The following ZNF33A variants were observed in gnomAD, a reference collection of about 807,000 sequenced individuals.
ZNF33A encodes brain my041 protein.
A neutral mutation model predicts 15.9 loss-of-function variants in ZNF33A; 9 were observed. The observed-to-expected ratio is 0.57, with a 90% CI of 0.34 to 0.99. ZNF33A has a LOEUF of 0.99. Ranked by LOEUF, ZNF33A falls within the 50% of genes least tolerant of loss-of-function variation. The pLI is 0.02. For synonymous variants in ZNF33A, 294 were observed against 324.2 expected, an observed-to-expected ratio of 0.91 and a Z score of 1.00; for missense variants, 843 against 941.6, an observed-to-expected ratio of 0.90 and a Z score of 1.37.
intron 2 of ZNF33A, among the ~76,000 whole-genome samples, chr10:38,015,394 C>A (rs1191618212): frequency 1.3e-5 from 2 of 152,072 alleles, no homozygotes; most frequent in Admixed American, 1.3e-4. Context: ...CAACGTCTGC[C>A]TCCCAGGTTA....
chr10:38,011,122 G>A (rs997547872), intron 1 of ZNF33A, among the ~76,000 whole-genome samples: 1 of 152,220 alleles, frequency 6.6e-6, no homozygotes, highest in Non-Finnish European at 1.5e-5. Flanking sequence ...GTACGTGGGC[G>A]GGGAAAGGCG....
At chr10:38,054,277 A>T (rs2066345060) in intron 4 of ZNF33A, 98 bp from the exon 5 acceptor site, 1 of 1,310,918 alleles carries the variant, frequency 7.6e-7, no homozygotes, top group South Asian at 1.9e-5. Context: ...CTGGCCAAAA[A>T]ACCAGTCAGC....
chr10:38,043,486 TTAAA>T (rs1474529054), intron 4 of ZNF33A, among the ~76,000 whole-genome samples: 3 of 145,070 alleles, frequency 2.1e-5, no homozygotes, highest in Non-Finnish European at 4.5e-5. Flanking sequence ...ACCCTAAAAC[TTAAA>T]GTATAATAAT....
chr10:38,065,937 C>T (rs1411350276), downstream of ZNF33A, among the ~76,000 whole-genome samples: 1 of 152,162 alleles, frequency 6.6e-6, no homozygotes, highest in Non-Finnish European at 1.5e-5. Context: ...TCTCGAACTC[C>T]TGCCTCGGCC....
chr10:38,063,384 A>ACAAAGACAAC (rs1253182002), downstream of ZNF33A, among the ~76,000 whole-genome samples: 38 of 152,340 alleles, frequency 2.5e-4, no homozygotes, highest in South Asian at 6.2e-4. Flanking sequence ...GAGGAGACAG[A>ACAAAGACAAC]CAAAGACAAC....
intron 4 of ZNF33A, among the ~76,000 whole-genome samples, chr10:38,029,247 C>G (rs2065113626): frequency 6.6e-6 from 1 of 152,070 alleles, no homozygotes; most frequent in South Asian, 2.1e-4. Context: ...TTAGTAGTAA[C>G]AAACTCTTCA....
At chr10:38,042,507 T>C (rs1041993152) in intron 4 of ZNF33A, among the ~76,000 whole-genome samples, 7 of 151,342 alleles carry the variant, frequency 4.6e-5, no homozygotes, top group Non-Finnish European at 8.8e-5. Context: ...TTTATTCTTT[T>C]TTTTTTTTTT....
At chr10:38,026,807 T>C (rs548069794) in intron 4 of ZNF33A, among the ~76,000 whole-genome samples, 36 of 152,306 alleles carry the variant, frequency 2.4e-4, no homozygotes, top group Non-Finnish European at 4.0e-4. Flanking sequence ...TTTTGGTCAT[T>C]TGTCATCATT....
chr10:38,045,165 A>C (rs539639944), intron 4 of ZNF33A, among the ~76,000 whole-genome samples: 1 of 152,264 alleles, frequency 6.6e-6, no homozygotes, highest in South Asian at 2.1e-4. Flanking sequence ...TGGTTCCTCT[A>C]TTCTCTCTAG....
chr10:38,018,494 GC>G (rs1353720982), intron 4 of ZNF33A, among the ~76,000 whole-genome samples: 1 of 152,180 alleles, frequency 6.6e-6, no homozygotes, highest in African/African-American at 2.4e-5. Flanking sequence ...CCCATCATAA[GC>G]CTTATTCAGT....
At chr10:38,052,847 GT>G (rs1449733230) in intron 4 of ZNF33A, among the ~76,000 whole-genome samples, 2 of 151,794 alleles carry the variant, frequency 1.3e-5, no homozygotes, top group Non-Finnish European at 2.9e-5. Flanking sequence ...TTTTTCCCAG[GT>G]TCATGATGGT....
In ZNF33A at chr10:38,056,662, A is replaced by G. The variant is rs932922501; in HGVS notation, c.*102A>G. ...AGCTTTTGTTAGGAAGTGATATTCT[A>G]TGTAATATCAGATGGTTAATACGGG... On this transcript the variant is annotated 3_prime_UTR_variant, in exon 5 of 5. Transcript: ENST00000432900. The G allele has an allele frequency of 3.2e-5, 46 of 1,435,232 alleles. No homozygotes were observed. The highest frequency in any genetic ancestry group is 4.1e-5 in the Non-Finnish European group (45 of 1,100,044). The allele number at this position is 1,435,232 out of a possible 1,614,324, so 88.9% of individuals were successfully genotyped here.
intron 4 of ZNF33A, among the ~76,000 whole-genome samples, chr10:38,050,684 C>A (rs1366165781): frequency 1.3e-5 from 2 of 152,198 alleles, no homozygotes; most frequent in Non-Finnish European, 2.9e-5. Context: ...AGCAAACTCA[C>A]AAACAGTTGC....
intron 4 of ZNF33A, among the ~76,000 whole-genome samples, chr10:38,019,860 T>A (rs781676667): frequency 6.6e-6 from 1 of 152,212 alleles, no homozygotes; most frequent in Non-Finnish European, 1.5e-5. Flanking sequence ...TTTTTGATGG[T>A]TGGAGCAAAA....
intron 2 of ZNF33A, among the ~76,000 whole-genome samples, chr10:38,012,739 AAT>A (rs1470734404): frequency 1.3e-5 from 2 of 152,118 alleles, no homozygotes; most frequent in African/African-American, 4.8e-5. Flanking sequence ...GCCAAGAGTC[AAT>A]ATGTTAAGAT....
At position 38,057,061 on chromosome 10, in the gene ZNF33A, C is replaced by G. The variant is rs1266949275; in HGVS notation, c.*501C>G. 1 of 664,084 alleles carries G rather than the reference C, an allele frequency of 1.5e-6. No individual in the cohort carries two copies. The highest frequency in any genetic ancestry group is 2.0e-5 in the African/African-American group (1 of 51,162). The allele number at this position is 664,084 out of a possible 1,614,324, so 41.1% of individuals were successfully genotyped here. On this transcript the variant is annotated 3_prime_UTR_variant, in exon 5 of 5. Transcript: ENST00000432900. The stretch of plus-strand genomic sequence containing the variant: ...GTCAAGTCCAAGAAATCGATGTTAC[C>G]TTGCTGGTAGATAGAGACTTAGTCA...
At position 38,057,804 on chromosome 10, in the gene ZNF33A, C is replaced by T. The variant is rs545826222; in HGVS notation, c.*1244C>T. On this transcript the variant is annotated 3_prime_UTR_variant, in exon 5 of 5. Coordinates refer to ENST00000432900, the MANE Select transcript of ZNF33A (RefSeq NM_006954.2). ...TCCAAATTTTCTTTAAGCAGCTGCTCTCCAAGACAGGGCCCTGGAAAGGCC... is the reference window on the plus strand; with the variant it reads ...TCCAAATTTTCTTTAAGCAGCTGCTTTCCAAGACAGGGCCCTGGAAAGGCC... The T allele has an allele frequency of 7.0e-5, 69 of 985,462 alleles. No individual in the cohort carries two copies. The African/African-American group carries it at 1.1e-3, about 16-fold the overall frequency. The allele number at this position is 985,462 out of a possible 1,614,324, so 61.0% of individuals were successfully genotyped here.
intron 4 of ZNF33A, among the ~76,000 whole-genome samples, chr10:38,025,241 G>A (rs2064933854): frequency 6.6e-6 from 1 of 152,170 alleles, no homozygotes; most frequent in Non-Finnish European, 1.5e-5. Context: ...CAGGATGTTG[G>A]TAGAATATAC....
At chr10:38,030,812 A>G (rs867838199) in intron 4 of ZNF33A, among the ~76,000 whole-genome samples, 1 of 152,184 alleles carries the variant, frequency 6.6e-6, no homozygotes, top group African/African-American at 2.4e-5. Flanking sequence ...GCCCAAATGT[A>G]GGGTAAGAGG....
Sources: gnomAD v4.1 joint callset for allele counts (sites outside exome capture counted in the v4.1 genomes callset) on GRCh38, gnomAD v4.1.1 for gene constraint, MANE v1.5 for transcripts, NCBI Gene and HGNC (gene_info 2026-07-23, HGNC 2026-07-21) for gene names.